The following TMEM108 variants were observed in gnomAD, a reference collection of about 807,000 sequenced individuals.
TMEM108 encodes the protein cancer/testis antigen 124.
A neutral mutation model predicts 35.1 loss-of-function variants in TMEM108; 12 were observed. The observed-to-expected ratio is 0.34, with a 90% CI of 0.22 to 0.55. The LOEUF is 0.55. TMEM108 is among the 20% of genes least tolerant of loss of function. TMEM108 has a pLI of 0.89. For synonymous variants in TMEM108, 287 were observed against 308.6 expected (o/e 0.93, Z 0.73); for missense variants, 680 against 753.3 (o/e 0.90, Z 1.14).
chr3:133,166,255 T>C (rs949453633), intron 2 of TMEM108, among the ~76,000 whole-genome samples: 1 of 152,208 alleles, frequency 6.6e-6, no homozygotes, highest in Non-Finnish European at 1.5e-5. Flanking sequence ...CTGGGCTTCA[T>C]ACATAGGTGA....
chr3:133,225,465 C>G (rs555917750), intron 2 of TMEM108, among the ~76,000 whole-genome samples: 22 of 152,168 alleles, frequency 1.4e-4, no homozygotes, highest in African/African-American at 4.3e-4. Flanking sequence ...TGTTGTACCC[C>G]CCTCCCCCAA....
intron 2 of TMEM108, among the ~76,000 whole-genome samples, chr3:133,102,377 T>C (rs1030481889): frequency 2.0e-5 from 3 of 152,230 alleles, no homozygotes; most frequent in African/African-American, 7.2e-5. Flanking sequence ...AGCCTGCTGC[T>C]TACTCTGAGA....
intron 3 of TMEM108, among the ~76,000 whole-genome samples, chr3:133,277,338 A>T (rs989875227): frequency 6.6e-6 from 1 of 152,236 alleles, no homozygotes; most frequent in African/African-American, 2.4e-5. Context: ...ACAGTCATGC[A>T]TATCCACTTT....
At chr3:133,126,658 T>G (rs919419519) in intron 2 of TMEM108, among the ~76,000 whole-genome samples, 3 of 152,152 alleles carry the variant, frequency 2.0e-5, no homozygotes, top group Admixed American at 1.3e-4. Flanking sequence ...ATATTTTATG[T>G]TGCTTAATAT....
At position 133,396,505 on chromosome 3, in the gene TMEM108, G is replaced by A. The variant is rs1394079589; in HGVS notation, c.*519G>A. On this transcript the variant is annotated 3_prime_UTR_variant, in exon 6 of 6. Transcript: ENST00000321871. Reference sequence around the variant, plus strand: ...AACATCTCATCACCTCTGAGGATGAGTACCCTGGAGCCTTATGACGGCACC... The same window carrying A: ...AACATCTCATCACCTCTGAGGATGAATACCCTGGAGCCTTATGACGGCACC... The A allele has an allele frequency of 1.3e-5, 2 of 152,206 alleles. No individual in the cohort carries two copies. Among genetic ancestry groups the A allele is most frequent in the African/African-American group, 2.4e-5 (1 of 41,432 alleles). 9.4% of individuals were successfully genotyped at this position (152,206 alleles called of 1,614,324 possible).
intron 2 of TMEM108, among the ~76,000 whole-genome samples, chr3:133,199,236 C>G (rs1041410984): frequency 6.6e-6 from 1 of 152,198 alleles, no homozygotes; most frequent in African/African-American, 2.4e-5. Flanking sequence ...GTTCGAACTT[C>G]CTCCTTTAGC....
At chr3:133,073,563 G>A (rs1943705142) in intron 2 of TMEM108, among the ~76,000 whole-genome samples, 2 of 111,082 alleles carry the variant, frequency 1.8e-5, no homozygotes, top group African/African-American at 3.5e-5. Context: ...TTTATCTGTT[G>A]ATGGTCACTT....
At chr3:133,151,086 G>A (rs541491933) in intron 2 of TMEM108, among the ~76,000 whole-genome samples, 2 of 151,888 alleles carry the variant, frequency 1.3e-5, no homozygotes, top group Non-Finnish European at 2.9e-5. Context: ...TAGCTCTCCT[G>A]TTTCACCACC....
At chr3:133,190,404 A>T (rs1338394791) in intron 2 of TMEM108, among the ~76,000 whole-genome samples, 2 of 152,210 alleles carry the variant, frequency 1.3e-5, no homozygotes, top group Non-Finnish European at 2.9e-5. Flanking sequence ...TCAAGGGTAG[A>T]AGAATAAGAA....
intron 2 of TMEM108, among the ~76,000 whole-genome samples, chr3:133,098,133 G>A (rs995306592): frequency 1.3e-5 from 2 of 152,178 alleles, no homozygotes; most frequent in Non-Finnish European, 2.9e-5. Flanking sequence ...AACAAAAAGA[G>A]GTTTAAATGG....
intron 2 of TMEM108, among the ~76,000 whole-genome samples, chr3:133,225,645 C>A (rs1946059512): frequency 6.6e-6 from 1 of 151,562 alleles, no homozygotes; most frequent in Non-Finnish European, 1.5e-5. Flanking sequence ...CCCAATGTAC[C>A]TTTTCTGGAT....
intron 3 of TMEM108, among the ~76,000 whole-genome samples, chr3:133,370,915 T>C (rs184176852): frequency 7.1e-4 from 97 of 135,786 alleles, no homozygotes; most frequent in Middle Eastern, 3.5e-3. Flanking sequence ...TGTGTGTGTG[T>C]GTGTGTGCCA....
Position 133,350,398 on chromosome 3 carries a change from G to T in TMEM108, c.41-29354G>T, listed in dbSNP as rs1311110580. Among the ~76,000 whole-genome samples, 2 of 152,076 alleles carry T rather than the reference G, an allele frequency of 1.3e-5. 1 individual carries two copies. The highest frequency in any genetic ancestry group is 4.1e-4 in the South Asian group (2 of 4,824). On this transcript the variant is annotated intron_variant, in intron 3 of 5. Transcript: ENST00000321871. ...TGACTATGGTTAATAGTAAAACATT[G>T]TGTATTACTAAATACTAGAAGAGAG...
intron 2 of TMEM108, among the ~76,000 whole-genome samples, chr3:133,064,152 G>A (rs1943568263): frequency 1.3e-5 from 2 of 152,112 alleles, no homozygotes; most frequent in South Asian, 2.1e-4. Flanking sequence ...TTGAGATACT[G>A]TCTGCAGGAA....
At chr3:133,299,110 CT>C (rs1947184218) in intron 3 of TMEM108, among the ~76,000 whole-genome samples, 1 of 152,108 alleles carries the variant, frequency 6.6e-6, no homozygotes, top group Admixed American at 6.5e-5. Flanking sequence ...TAAGGGGAAA[CT>C]ATATAAAGCT....
At chr3:133,374,237 G>A (rs962645645) in intron 3 of TMEM108, among the ~76,000 whole-genome samples, 1 of 152,252 alleles carries the variant, frequency 6.6e-6, no homozygotes, top group Admixed American at 6.5e-5. Context: ...CTCTTGGTGG[G>A]AAGAATGTCA....
intron 3 of TMEM108, among the ~76,000 whole-genome samples, chr3:133,360,358 TA>T (rs1470266453): frequency 1.3e-5 from 2 of 152,150 alleles, no homozygotes; most frequent in Non-Finnish European, 2.9e-5. Flanking sequence ...CATACCTCAA[TA>T]AAGTTAATTT....
chr3:133,141,362 A>G (rs929601033), intron 2 of TMEM108, among the ~76,000 whole-genome samples: 16 of 152,202 alleles, frequency 1.1e-4, no homozygotes, highest in Non-Finnish European at 1.9e-4. Flanking sequence ...ATTTAGGAAC[A>G]TAGACATAAA....
chr3:133,216,208 A>G (rs1233337743), intron 2 of TMEM108, among the ~76,000 whole-genome samples: 3 of 152,102 alleles, frequency 2.0e-5, no homozygotes, highest in Non-Finnish European at 2.9e-5. Context: ...GACATTTTTA[A>G]TTAGAACATT....
Sources: allele counts gnomAD v4.1 joint callset (sites outside exome capture counted in the v4.1 genomes callset), GRCh38; gene constraint gnomAD v4.1.1; transcripts MANE v1.5; gene names NCBI Gene and HGNC (gene_info 2026-07-23, HGNC 2026-07-21).